The following LCORL variants were observed in gnomAD, a reference collection of about 807,000 sequenced individuals.
The protein encoded by LCORL is ligand-dependent nuclear receptor corepressor-like protein.
LCORL carries 41 observed loss-of-function variants against 141.8 expected under a neutral mutation model. The observed-to-expected ratio is 0.29, with a 90% CI of 0.23 to 0.38. LCORL has a LOEUF of 0.38. Among genes scored for constraint, LCORL ranks in the 10% least tolerant of loss-of-function variants. The pLI is 1.00. For synonymous variants in LCORL, 618 were observed against 694.1 expected (o/e 0.89, Z 1.72); for missense variants, 1,759 against 2,035.0 (o/e 0.86, Z 2.61).
intron 7 of LCORL, chr4:17,866,891 T>G (rs1725736063): frequency 7.3e-6 from 4 of 546,582 alleles, no homozygotes; most frequent in Non-Finnish European, 9.3e-6. Flanking sequence ...AAGAGAACAT[T>G]TAGACCTTGA....
chr4:17,993,790 G>C (rs1577672652), intron 1 of LCORL, among the ~76,000 whole-genome samples: 5 of 152,300 alleles, frequency 3.3e-5, no homozygotes, highest in Admixed American at 3.3e-4. Flanking sequence ...AGACAGGATG[G>C]TTAGAAAGCT....
At chr4:17,943,118 G>A (rs140304735) in intron 4 of LCORL, among the ~76,000 whole-genome samples, 479 of 152,218 alleles carry the variant, frequency 3.1e-3, no homozygotes, top group Middle Eastern at 0.024. Flanking sequence ...CTGCTGATCC[G>A]GCGGCTCATT....
Position 17,900,186 on chromosome 4 carries a change from T to TA in LCORL, c.682+8907dup, listed in dbSNP as rs1177585361. ...TTCTGAATTTAAAAAGTGCACTTTT[T>TA]AAAAAAATGACATTCTTTACAAAAC... is the stretch of plus-strand genomic sequence containing the variant. On this transcript the variant is annotated intron_variant, in intron 5 of 7. Transcript: ENST00000635767. Among the ~76,000 whole-genome samples, 8 of 152,062 alleles carry TA rather than the reference T, an allele frequency of 5.3e-5. No homozygotes were observed. The East Asian group carries it at 9.6e-4, about 18-fold the overall frequency.
At chr4:17,906,789 C>T (rs984699643) in intron 5 of LCORL, among the ~76,000 whole-genome samples, 4 of 151,112 alleles carry the variant, frequency 2.6e-5, no homozygotes, top group African/African-American at 9.8e-5. Context: ...CGGGTTCAAG[C>T]AATTCTCCTG....
intron 6 of LCORL, among the ~76,000 whole-genome samples, chr4:17,880,021 T>C (rs1177869617): frequency 6.6e-6 from 1 of 151,058 alleles, no homozygotes; most frequent in Non-Finnish European, 1.5e-5. Flanking sequence ...AACCACTGCT[T>C]TTTATATCCC....
intron 4 of LCORL, among the ~76,000 whole-genome samples, chr4:17,920,616 C>T (rs1412405904): frequency 1.3e-5 from 2 of 152,124 alleles, no homozygotes; most frequent in Admixed American, 1.3e-4. Flanking sequence ...GGCATTTTAC[C>T]CCAAGTAGAA....
At chr4:17,981,290 G>A (rs752437617) in intron 1 of LCORL, among the ~76,000 whole-genome samples, 1 of 151,974 alleles carries the variant, frequency 6.6e-6, no homozygotes, top group Non-Finnish European at 1.5e-5. Flanking sequence ...TGCATCATAT[G>A]GCTGAATCAT....
At chr4:17,849,928 CAG>C (rs1723426100) in intron 7 of LCORL, among the ~76,000 whole-genome samples, 1 of 151,670 alleles carries the variant, frequency 6.6e-6, no homozygotes, top group Admixed American at 6.6e-5. Flanking sequence ...GGTACCAAAA[CAG>C]AGATATAGAT....
exon 7 of LCORL, chr4:17,873,656 A>G: frequency 8.1e-7 from 1 of 1,234,000 alleles, no homozygotes; most frequent in Non-Finnish European, 1.0e-6. Context: ...AATTTTGCCT[A>G]GCAGAATGAG....
At chr4:17,976,655 A>G (rs1186713922) in intron 1 of LCORL, among the ~76,000 whole-genome samples, 1 of 152,176 alleles carries the variant, frequency 6.6e-6, no homozygotes, top group Non-Finnish European at 1.5e-5. Context: ...GTGTTTGTAG[A>G]CCTATGCTTA....
intron 6 of LCORL, among the ~76,000 whole-genome samples, 182 bp downstream of exon 6, chr4:17,885,886 A>G (rs1346587720): frequency 1.3e-5 from 2 of 151,902 alleles, no homozygotes; most frequent in Admixed American, 1.3e-4. Flanking sequence ...ACTTTTCTTT[A>G]ACAGAAAGAA....
chr4:17,849,044 G>A (rs1430692363), intron 7 of LCORL, among the ~76,000 whole-genome samples: 2 of 152,232 alleles, frequency 1.3e-5, no homozygotes, highest in African/African-American at 4.8e-5. Flanking sequence ...GAACTGGGTG[G>A]AGCCCACCAC....
intron 4 of LCORL, among the ~76,000 whole-genome samples, chr4:17,921,926 C>T (rs1734361657): frequency 6.6e-6 from 1 of 151,988 alleles, no homozygotes; most frequent in Admixed American, 6.5e-5. Context: ...ATCAAACTCC[C>T]AAGTTCTTCA....
exon 8 of LCORL, chr4:17,842,122 T>A (rs1722468999): frequency 1.9e-6 from 1 of 532,038 alleles, no homozygotes; most frequent in South Asian, 2.5e-5. Flanking sequence ...AATTAAGTTT[T>A]AATCTTGCTT....
chr4:17,866,021 C>A (rs1213409719), intron 7 of LCORL, among the ~76,000 whole-genome samples: 1 of 152,220 alleles, frequency 6.6e-6, no homozygotes, highest in Non-Finnish European at 1.5e-5. Flanking sequence ...AGACAAACTT[C>A]TTGGCATGGC....
intron 4 of LCORL, among the ~76,000 whole-genome samples, chr4:17,946,427 T>A (rs543960019): frequency 1.3e-5 from 2 of 152,168 alleles, no homozygotes; most frequent in South Asian, 4.1e-4. Flanking sequence ...CACTTATACC[T>A]AAAATATATA....
chr4:17,929,593 C>A (rs1735689094), intron 4 of LCORL, among the ~76,000 whole-genome samples: 2 of 152,066 alleles, frequency 1.3e-5, no homozygotes, highest in Admixed American at 6.6e-5. Flanking sequence ...GCCTCTACCC[C>A]ACACTATATA....
chr4:17,882,526 C>G, intron 6 of LCORL: 1 of 984,544 alleles, frequency 1.0e-6, no homozygotes, highest in Non-Finnish European at 1.2e-6. Context: ...CTTCTAACTA[C>G]CCAATTAGTA....
At chr4:17,841,549 A>G (rs1366224481) in exon 8 of LCORL, 1 of 151,972 alleles carries the variant, frequency 6.6e-6, no homozygotes, top group Non-Finnish European at 1.5e-5. Flanking sequence ...TGAATGAAGT[A>G]GAGTATATAA....
Sources: gnomAD v4.1 joint callset for allele counts (sites outside exome capture counted in the v4.1 genomes callset) on GRCh38, gnomAD v4.1.1 for gene constraint, MANE v1.5 for transcripts, NCBI Gene and HGNC (gene_info 2026-07-23, HGNC 2026-07-21) for gene names.